The following SGPP1 variants were observed in gnomAD, a reference collection of about 807,000 sequenced individuals.
SGPP1 encodes sphingosine-1-phosphate phosphatase 1, also known as hSPP1.
SGPP1 carries 21 observed loss-of-function variants against 33.0 expected under a neutral mutation model. The observed-to-expected ratio is 0.64, with a 90% CI of 0.45 to 0.92. The LOEUF (loss-of-function observed/expected upper bound fraction) is 0.92, where lower values mean the gene tolerates loss of function less well. Among genes scored for constraint, SGPP1 ranks in the 40% least tolerant of loss-of-function variants. The pLI, the probability that SGPP1 is intolerant of heterozygous loss-of-function variation, is 0.00. For synonymous variants in SGPP1, 239 were observed against 241.2 expected, an observed-to-expected ratio of 0.99 and a Z score of 0.08; for missense variants, 543 against 589.4, an observed-to-expected ratio of 0.92 and a Z score of 0.81.
intron 1 of SGPP1, among the ~76,000 whole-genome samples, chr14:63,702,742 C>T (rs974803107): frequency 2.0e-5 from 3 of 151,994 alleles, no homozygotes; most frequent in Non-Finnish European, 4.4e-5. Context: ...TTTTGGGGAA[C>T]ACTTGATCCA....
At chr14:63,724,537 T>C (rs1370732219) in intron 1 of SGPP1, among the ~76,000 whole-genome samples, 1 of 137,138 alleles carries the variant, frequency 7.3e-6, no homozygotes, top group Non-Finnish European at 1.5e-5. Flanking sequence ...TGCAGTACAA[T>C]ACTAATTCAC....
At chr14:63,703,376 C>G (rs1168697780) in intron 1 of SGPP1, among the ~76,000 whole-genome samples, 2 of 152,032 alleles carry the variant, frequency 1.3e-5, no homozygotes, top group African/African-American at 4.8e-5. Flanking sequence ...TAATTAAGGC[C>G]AGGCACAGTG....
At position 63,686,621 on chromosome 14, in the gene SGPP1, G is replaced by A. The variant is rs143514270; in HGVS notation, c.810C>T (p.Ile270=). ...CCACAAATGGATAGAAGACAGCTAA[G>A]ATTAAAATGGTATATAGGAATCCAG... The part of the protein sequence containing the change: ...IIAGFLYTIL[I]LAVFYPFVDL... Residue 270 remains isoleucine, a synonymous_variant, in exon 3 of 3, where the codon ATC becomes ATT. Coordinates refer to ENST00000247225, the MANE Select transcript of SGPP1 (RefSeq NM_030791.4). 2.2e-4 allele frequency: 347 copies of A among 1,612,916 alleles called. 1 individual carries two copies. The highest frequency in any genetic ancestry group is 1.5e-3 in the Admixed American group (93 of 60,020).
chr14:63,691,672 T>C (rs1273186483), intron 2 of SGPP1, among the ~76,000 whole-genome samples: 1 of 152,328 alleles, frequency 6.6e-6, no homozygotes, highest in East Asian at 1.9e-4. Flanking sequence ...TGGGACAATA[T>C]TCAGAGATTA....
At chr14:63,704,979 T>C (rs948829263) in intron 1 of SGPP1, among the ~76,000 whole-genome samples, 1 of 151,644 alleles carries the variant, frequency 6.6e-6, no homozygotes, top group Non-Finnish European at 1.5e-5. Context: ...TACAAAAAAT[T>C]AGTCAGGCAT....
At chr14:63,691,771 A>G (rs1885098322) in intron 2 of SGPP1, among the ~76,000 whole-genome samples, 2 of 152,178 alleles carry the variant, frequency 1.3e-5, no homozygotes, top group South Asian at 4.1e-4. Context: ...AAACAATTGC[A>G]TTACACTGTT....
At chr14:63,720,661 G>A (rs1430073195) in intron 1 of SGPP1, among the ~76,000 whole-genome samples, 1 of 152,140 alleles carries the variant, frequency 6.6e-6, no homozygotes, top group East Asian at 1.9e-4. Flanking sequence ...TTAGGAGGCT[G>A]AGGCAGGAGA....
At chr14:63,715,225 G>A (rs556755034) in intron 1 of SGPP1, among the ~76,000 whole-genome samples, 23 of 151,100 alleles carry the variant, frequency 1.5e-4, no homozygotes, top group Non-Finnish European at 2.7e-4. Context: ...ACGTTGGCCA[G>A]GCTGGTCTCG....
intron 1 of SGPP1, among the ~76,000 whole-genome samples, chr14:63,701,316 T>G (rs1290014285): frequency 6.6e-6 from 1 of 152,116 alleles, no homozygotes; most frequent in Non-Finnish European, 1.5e-5. Flanking sequence ...GTTAAGTCAT[T>G]GCAATTTTGG....
rs1254179252 is a variant in SGPP1 at position 63,698,589 on chromosome 14, T to C, written c.754A>G (p.Met252Val). 3.1e-6 allele frequency: 5 copies of C among 1,590,330 alleles called. No individual in the cohort carries two copies. The highest frequency in any genetic ancestry group is 2.2e-5 in the East Asian group (1 of 44,468). Reference sequence around the variant, plus strand: ...CTTACCAGAATAGAGTGCATTCCCATGTAAATTCTACTTAGGCAAACTAGA... The same window carrying C: ...CTTACCAGAATAGAGTGCATTCCCACGTAAATTCTACTTAGGCAAACTAGA... ...CSLVCLSRIY[M>V]GMHSILDIIA... is the part of the protein sequence containing the mutation. The change falls in exon 2 of 3, where the codon ATG becomes GTG. Residue 252 changes from methionine (M) to valine (V), a missense_variant. By Grantham distance (21) the Met-to-Val change is conservative. Coordinates refer to ENST00000247225, the MANE Select transcript of SGPP1 (RefSeq NM_030791.4).
At chr14:63,724,696 T>C (rs1885842056) in intron 1 of SGPP1, among the ~76,000 whole-genome samples, 1 of 147,962 alleles carries the variant, frequency 6.8e-6, no homozygotes, top group Non-Finnish European at 1.5e-5. Flanking sequence ...GCCAGCACTC[T>C]GGGAGGCCAG....
At position 63,685,100 on chromosome 14, in the gene SGPP1, C is replaced by T. The variant is rs1193517476; in HGVS notation, c.*1005G>A. 2.0e-5 allele frequency: 3 copies of T among 151,986 alleles called. No individual in the cohort carries two copies. Among genetic ancestry groups the T allele is most frequent in the South Asian group, 2.1e-4 (1 of 4,830 alleles). 9.4% of individuals were successfully genotyped at this position (151,986 alleles called of 1,614,324 possible). A position where few individuals can be genotyped will look rare whatever the true frequency, so the allele number is the denominator to read the frequency against. On this transcript the variant is annotated 3_prime_UTR_variant, in exon 3 of 3. Transcript: ENST00000247225. Reference sequence around the variant, plus strand: ...AAATATGTCCTGCTCCTATAACTTACAATGCACAGAAAAATATCTACAAAA... The same window carrying T: ...AAATATGTCCTGCTCCTATAACTTATAATGCACAGAAAAATATCTACAAAA...
intron 1 of SGPP1, among the ~76,000 whole-genome samples, chr14:63,724,830 C>G (rs1285661968): frequency 6.7e-6 from 1 of 149,762 alleles, no homozygotes; most frequent in African/African-American, 2.5e-5. Context: ...TGCAGAGAGC[C>G]GAGATTGCGC....
In SGPP1 at chr14:63,727,272, C is replaced by T. The variant is rs1885902334; in HGVS notation, c.673G>A (p.Gly225Ser). Residue 225 changes from glycine (G) to serine (S), a missense_variant, in exon 1 of 3, where the codon GGC becomes AGC. Gly to Ser is a moderately conservative substitution (Grantham distance 56, BLOSUM62 0). Transcript: ENST00000247225. ...IPISMVLLTY[G>S]RWQYPLIYGL... is the part of the protein sequence containing the mutation. Reference sequence around the variant, plus strand: ...AGAAGGAACCCTACCTGCCAGCGGCCATAGGTGAGGAGGACCATAGAAATG... The same window carrying T: ...AGAAGGAACCCTACCTGCCAGCGGCTATAGGTGAGGAGGACCATAGAAATG... 2 of 1,610,622 alleles carry T rather than the reference C, an allele frequency of 1.2e-6. No individual in the cohort carries two copies. The highest frequency in any genetic ancestry group is 1.7e-6 in the Non-Finnish European group (2 of 1,177,842).
At chr14:63,707,185 A>C (rs1885426169) in intron 1 of SGPP1, among the ~76,000 whole-genome samples, 1 of 151,966 alleles carries the variant, frequency 6.6e-6, no homozygotes, top group African/African-American at 2.4e-5. Context: ...TCTCTTTTGA[A>C]CTCTTAAGTT....
rs573344545 is a variant in SGPP1, at chr14:63,684,348, T to C, written c.*1757A>G. 2.6e-5 allele frequency: 4 copies of C among 152,222 alleles called. No individual in the cohort carries two copies. The highest frequency in any genetic ancestry group is 3.9e-4 in the East Asian group (2 of 5,190). The allele number at this position is 152,222 out of a possible 1,614,324, so 9.4% of individuals were successfully genotyped here. Reference sequence around the variant, plus strand: ...AGACATAAAAATCAACAGGATAGCATAGGCCCAAATTATGGGAAACGGTCC... The same window carrying C: ...AGACATAAAAATCAACAGGATAGCACAGGCCCAAATTATGGGAAACGGTCC... On this transcript the variant is annotated 3_prime_UTR_variant, in exon 3 of 3. Coordinates refer to ENST00000247225, the MANE Select transcript of SGPP1 (RefSeq NM_030791.4).
chr14:63,721,801 TA>T (rs897581928), intron 1 of SGPP1, among the ~76,000 whole-genome samples: 6 of 152,228 alleles, frequency 3.9e-5, no homozygotes, highest in Non-Finnish European at 8.8e-5. Flanking sequence ...TTATTTATAT[TA>T]GGTGACAAAT....
At chr14:63,711,880 C>T (rs1885530068) in intron 1 of SGPP1, among the ~76,000 whole-genome samples, 3 of 151,788 alleles carry the variant, frequency 2.0e-5, no homozygotes, top group Non-Finnish European at 2.9e-5. Context: ...AAATATAAAA[C>T]TTAGCTAGGC....
intron 1 of SGPP1, among the ~76,000 whole-genome samples, chr14:63,726,038 C>T (rs1185565997): frequency 2.0e-5 from 3 of 152,200 alleles, no homozygotes; most frequent in Non-Finnish European, 4.4e-5. Context: ...AAAAAAACTT[C>T]CCATGGTACT....
Sources: gnomAD v4.1 joint callset for allele counts (sites outside exome capture counted in the v4.1 genomes callset) on GRCh38, gnomAD v4.1.1 for gene constraint, MANE v1.5 for transcripts, NCBI Gene and HGNC (gene_info 2026-07-23, HGNC 2026-07-21) for gene names.